The following KIAA1755 variants were observed in gnomAD, a reference collection of about 807,000 sequenced individuals.
The protein encoded by KIAA1755 is KIAA1755, also known as uncharacterized protein KIAA1755.
A neutral mutation model predicts 91.7 loss-of-function variants in KIAA1755; 68 were observed. That is an observed-to-expected ratio of 0.74 (90% CI 0.61 to 0.91). The LOEUF is 0.91. Among genes scored for constraint, KIAA1755 ranks in the 40% least tolerant of loss-of-function variants. KIAA1755 has a pLI of 0.00. For missense variants in KIAA1755, 1,535 were observed against 1,494.4 expected (o/e 1.03, Z -0.45); for synonymous variants, 610 against 604.6 (o/e 1.01, Z -0.13).
intron 1 of KIAA1755, among the ~76,000 whole-genome samples, chr20:38,256,009 C>A (rs145213794): frequency 6.6e-6 from 1 of 152,314 alleles, no homozygotes; most frequent in East Asian, 1.9e-4. Context: ...AAGCATTTTT[C>A]ATTAACTATT....
chr20:38,217,101 G>A (rs906497645), intron 13 of KIAA1755, 152 bp downstream of exon 13: 3 of 673,304 alleles, frequency 4.5e-6, no homozygotes, highest in Non-Finnish European at 7.8e-6. Flanking sequence ...GTCTGTGCAA[G>A]TGGGTGGGGG....
At chr20:38,215,411 A>G (rs1344822486) in intron 13 of KIAA1755, among the ~76,000 whole-genome samples, 1 of 152,196 alleles carries the variant, frequency 6.6e-6, no homozygotes, top group Non-Finnish European at 1.5e-5. Context: ...CACCATGGAT[A>G]GAGCCAGGAC....
In KIAA1755 at chr20:38,211,782, G is replaced by C. The variant is rs1246394827; in HGVS notation, c.*1260C>G. The C allele has an allele frequency of 6.6e-6, 1 of 152,234 alleles. No homozygotes were observed. The highest frequency in any genetic ancestry group is 2.4e-5 in the African/African-American group (1 of 41,460). 9.4% of individuals were successfully genotyped at this position (152,234 alleles called of 1,614,324 possible). A position where few individuals can be genotyped will look rare whatever the true frequency, so the allele number is the denominator to read the frequency against. ...CATGCCTGCTGAAGAGGCCTTGTGAGACAGGGAGCACAGAAGACATGTCCT... is the reference window on the plus strand; with the variant it reads ...CATGCCTGCTGAAGAGGCCTTGTGACACAGGGAGCACAGAAGACATGTCCT... On this transcript the variant is annotated 3_prime_UTR_variant, in exon 14 of 14. Transcript: ENST00000279024.
intron 13 of KIAA1755, among the ~76,000 whole-genome samples, chr20:38,216,587 A>T (rs1275177784): frequency 6.6e-6 from 1 of 152,192 alleles, no homozygotes; most frequent in Non-Finnish European, 1.5e-5. Flanking sequence ...TTGTCCCCAC[A>T]GACCTCAGTT....
intron 1 of KIAA1755, chr20:38,260,285 CAT>C (rs2123384631): frequency 6.5e-7 from 1 of 1,549,500 alleles, no homozygotes; most frequent in Non-Finnish European, 8.7e-7. Flanking sequence ...CATACACACA[CAT>C]GGAGAAGCCA....
chr20:38,222,714 A>T, intron 9 of KIAA1755, 117 bp from the exon 10 acceptor site: 1 of 1,103,090 alleles, frequency 9.1e-7, no homozygotes, highest in South Asian at 1.3e-5. Flanking sequence ...GGTCCTCCAG[A>T]AAGTCTGTCA....
At chr20:38,225,948 CA>C (rs1327866785) in intron 7 of KIAA1755, among the ~76,000 whole-genome samples, 167 bp from the exon 8 acceptor site, 1 of 152,210 alleles carries the variant, frequency 6.6e-6, no homozygotes, top group Admixed American at 6.5e-5. Flanking sequence ...GAAACTCTGA[CA>C]AATCAAAATT....
At chr20:38,247,357 C>T (rs537400843) in intron 1 of KIAA1755, among the ~76,000 whole-genome samples, 1 of 152,272 alleles carries the variant, frequency 6.6e-6, no homozygotes, top group Admixed American at 6.5e-5. Flanking sequence ...ACATGCCTTC[C>T]CTTGCTCACC....
At chr20:38,259,316 G>GTGTATGCCAA (rs1381197347) in intron 1 of KIAA1755, among the ~76,000 whole-genome samples, 1 of 152,170 alleles carries the variant, frequency 6.6e-6, no homozygotes, top group Non-Finnish European at 1.5e-5. Context: ...TGTCTGTGGT[G>GTGTATGCCAA]TGTATGCCAA....
intron 4 of KIAA1755, among the ~76,000 whole-genome samples, chr20:38,238,306 C>T (rs1439227445): frequency 6.6e-6 from 1 of 152,160 alleles, no homozygotes; most frequent in Non-Finnish European, 1.5e-5. Flanking sequence ...ATAAGGTCTC[C>T]TGGGAGCTGC....
At position 38,241,896 on chromosome 20, in the gene KIAA1755, C is replaced by T. The variant is rs747989222; in HGVS notation, c.235G>A (p.Gly79Ser). ...PYSHCLFLHE[G>S]WPLCLRDEVV... ...TCATCCCTCAGACAGAGTGGCCAGC[C>T]CTCGTGTAAGAAGAGGCAGTGTGAG... The change falls in exon 3 of 14, where the codon GGC (glycine) becomes AGC (serine). Residue 79 changes from glycine (G) to serine (S), a missense_variant. Physicochemically the swap from Gly to Ser is moderately conservative, Grantham distance 56 (BLOSUM62 0). Coordinates refer to ENST00000279024, the MANE Select transcript of KIAA1755 (RefSeq NM_001029864.2). The T allele has an allele frequency of 6.2e-7, 1 of 1,613,458 alleles. No individual in the cohort carries two copies. Among genetic ancestry groups the T allele is most frequent in the East Asian group, 2.2e-5 (1 of 44,896 alleles).
intron 1 of KIAA1755, among the ~76,000 whole-genome samples, chr20:38,256,421 A>C (rs1458294087): frequency 6.6e-6 from 1 of 152,164 alleles, no homozygotes; most frequent in Non-Finnish European, 1.5e-5. Flanking sequence ...TGCCATGTTC[A>C]CATATTCTAA....
rs1389819446 is a variant in KIAA1755, at chr20:38,239,690, T to C, written c.1585A>G (p.Thr529Ala). The change falls in exon 4 of 14, where the codon ACT becomes GCT. Residue 529 changes from threonine to alanine, a missense_variant. Physicochemically the swap from Thr to Ala is moderately conservative, Grantham distance 58. Transcript: ENST00000279024. Reference sequence around the variant, plus strand: ...TCCTCAGTCAGTGGGCTGGGGGCAGTGGCTGGGCCAGATGTTTTGGTCTGA... The same window carrying C: ...TCCTCAGTCAGTGGGCTGGGGGCAGCGGCTGGGCCAGATGTTTTGGTCTGA... ...TTQTKTSGPA[T>A]APSPLTEEKA... The C allele has an allele frequency of 6.2e-7, 1 of 1,612,220 alleles. No homozygotes were observed. Among genetic ancestry groups the C allele is most frequent in the African/African-American group, 1.3e-5 (1 of 74,830 alleles).
chr20:38,224,208 G>A (rs568478536), intron 8 of KIAA1755, among the ~76,000 whole-genome samples: 1 of 152,164 alleles, frequency 6.6e-6, no homozygotes, highest in African/African-American at 2.4e-5. Context: ...ACTTAGAACA[G>A]AGCCCAGCCC....
intron 13 of KIAA1755, among the ~76,000 whole-genome samples, 182 bp from the exon 14 acceptor site, chr20:38,213,925 C>T (rs1390003242): frequency 6.6e-6 from 1 of 151,976 alleles, no homozygotes; most frequent in Non-Finnish European, 1.5e-5. Context: ...CTGGAAACAG[C>T]CCCCAAGCAC....
rs965074818 is a variant in KIAA1755, at chr20:38,210,860, T to G, written c.*2182A>C. On this transcript the variant is annotated 3_prime_UTR_variant, in exon 14 of 14. Transcript: ENST00000279024. Reference sequence around the variant, plus strand: ...TCGGCCCTCTCTGAGGCAACAGGCATGGATGGAGATGGGCTGATCAACGCC... The same window carrying G: ...TCGGCCCTCTCTGAGGCAACAGGCAGGGATGGAGATGGGCTGATCAACGCC... 6.6e-6 allele frequency: 1 copy of G among 152,180 alleles called. No individual in the cohort carries two copies. The highest frequency in any genetic ancestry group is 1.5e-5 in the Non-Finnish European group (1 of 68,036). The allele number at this position is 152,180 out of a possible 1,614,324, so 9.4% of individuals were successfully genotyped here. A position where few individuals can be genotyped will look rare whatever the true frequency, so the allele number is the denominator to read the frequency against.
chr20:38,227,094 C>T (rs981591464), intron 7 of KIAA1755, 60 bp downstream of exon 7: 37 of 1,305,634 alleles, frequency 2.8e-5, no homozygotes, highest in Admixed American at 9.2e-5. Flanking sequence ...CTCCTTAACC[C>T]CAGCTCAGCT....
intron 1 of KIAA1755, chr20:38,260,167 A>T: frequency 7.3e-7 from 1 of 1,367,490 alleles, no homozygotes; most frequent in South Asian, 1.5e-5. Context: ...GTTCCAAAAC[A>T]AACATGCAAA....
At chr20:38,258,211 C>G (rs2076373549) in intron 1 of KIAA1755, among the ~76,000 whole-genome samples, 2 of 152,060 alleles carry the variant, frequency 1.3e-5, no homozygotes, top group African/African-American at 2.4e-5. Context: ...TAGTTACTTT[C>G]TATTTATGAC....
Sources: gnomAD v4.1 joint callset for allele counts (sites outside exome capture counted in the v4.1 genomes callset) on GRCh38, gnomAD v4.1.1 for gene constraint, MANE v1.5 for transcripts, NCBI Gene and HGNC (gene_info 2026-07-23, HGNC 2026-07-21) for gene names.